The following TXNDC16 variants were observed in gnomAD, a reference collection of about 807,000 sequenced individuals.
The protein encoded by TXNDC16 is thioredoxin domain-containing protein 16.
A neutral mutation model predicts 85.6 loss-of-function variants in TXNDC16; 74 were observed. The observed-to-expected ratio is 0.86, with a 90% confidence interval of 0.72 to 1.05. The LOEUF is 1.05. Among genes scored for constraint, TXNDC16 ranks in the 50% least tolerant of loss-of-function variants. The pLI is 0.00. For missense variants in TXNDC16, 959 were observed against 947.0 expected (o/e 1.01, Z -0.17); for synonymous variants, 335 against 326.5 (o/e 1.03, Z -0.28).
At chr14:52,491,120 C>G (rs1371571489) in intron 9 of TXNDC16, 115 bp from the exon 10 acceptor site, 1 of 1,151,008 alleles carries the variant, frequency 8.7e-7, no homozygotes, top group Non-Finnish European at 1.2e-6. Context: ...TAAAATAATC[C>G]AACACTAACA....
In TXNDC16 at chr14:52,432,328, C is replaced by T. The variant is rs1240849202; in HGVS notation, c.2454G>A (p.Glu818=). 1.9e-6 allele frequency: 3 copies of T among 1,612,712 alleles called. No homozygotes were observed. The highest frequency in any genetic ancestry group is 2.5e-6 in the Non-Finnish European group (3 of 1,179,450). Residue 818 remains glutamate, a synonymous_variant, in exon 21 of 21, where the codon GAG becomes GAA. Transcript: ENST00000281741. ...EAEKSFRRDK[E]LGCSKVN is the part of the protein sequence containing the mutation. ...ATTAGTTCACTTTTGAGCATCCTAA[C>T]TCTTTATCACGTCTAAATGATTTTT... is the stretch of plus-strand genomic sequence containing the variant.
intron 9 of TXNDC16, among the ~76,000 whole-genome samples, chr14:52,502,760 C>T (rs1172942776): frequency 6.6e-6 from 1 of 152,116 alleles, no homozygotes; most frequent in African/African-American, 2.4e-5. Flanking sequence ...CGAGCGTGAC[C>T]CGAAGCAGGG....
At chr14:52,432,615 A>G in intron 20 of TXNDC16, 28 bp from the exon 21 acceptor site, 1 of 1,570,856 alleles carries the variant, frequency 6.4e-7, no homozygotes, top group Non-Finnish European at 8.6e-7. Flanking sequence ...TCAAAGGTTA[A>G]AGATTAACAG....
rs1388451736 is a variant in TXNDC16, at chr14:52,511,348, A to C, written c.648T>G (p.Cys216Trp). The C allele has an allele frequency of 1.2e-6, 2 of 1,605,080 alleles. No homozygotes were observed. Among genetic ancestry groups the C allele is most frequent in the African/African-American group, 2.7e-5 (2 of 74,816 alleles). Residue 216 changes from cysteine to tryptophan, a missense_variant, in exon 9 of 21, where the codon TGT (cysteine) becomes TGG (tryptophan). Cys to Trp is a radical substitution (Grantham distance 215). Coordinates refer to ENST00000281741, the MANE Select transcript of TXNDC16 (RefSeq NM_020784.3). ...VEYAHLYFFH[C>W]KLVLDLTQQC... ...GCTGGGTCAAGTCCAAGACTAGTTT[A>C]CAATGAAAAAAGTAGAGATGTGCAT...
At chr14:52,523,311 A>C (rs1193278929) in intron 6 of TXNDC16, among the ~76,000 whole-genome samples, 1 of 152,196 alleles carries the variant, frequency 6.6e-6, no homozygotes, top group Non-Finnish European at 1.5e-5. Flanking sequence ...TTAGTTGGAT[A>C]AGATATTTGG....
At chr14:52,490,355 AAC>A (rs1205342749) in intron 11 of TXNDC16, 34 bp downstream of exon 11, 1 of 1,432,714 alleles carries the variant, frequency 7.0e-7, no homozygotes, top group African/African-American at 1.5e-5. Flanking sequence ...TCTTTAAATA[AAC>A]AGATATTGTA....
chr14:52,467,079 T>C (rs1419594459), intron 16 of TXNDC16, among the ~76,000 whole-genome samples: 1 of 151,530 alleles, frequency 6.6e-6, no homozygotes, highest in Non-Finnish European at 1.5e-5. Flanking sequence ...TAAGTATCAA[T>C]AGGTAAAGTG....
At chr14:52,543,325 T>C (rs1267968970) in intron 3 of TXNDC16, 73 bp downstream of exon 3, 40 of 1,473,382 alleles carry the variant, frequency 2.7e-5, no homozygotes, top group Non-Finnish European at 2.8e-5. Context: ...AACAGAAATT[T>C]CCCACTGAAC....
intron 9 of TXNDC16, among the ~76,000 whole-genome samples, chr14:52,499,184 A>C (rs761375352): frequency 2.0e-5 from 3 of 152,204 alleles, no homozygotes; most frequent in Non-Finnish European, 4.4e-5. Flanking sequence ...TAATGGATTA[A>C]ATACCTAAAC....
chr14:52,532,498 G>A (rs541980561), intron 6 of TXNDC16, among the ~76,000 whole-genome samples: 66 of 151,880 alleles, frequency 4.3e-4, no homozygotes, highest in Non-Finnish European at 8.2e-4. Context: ...GTGCAGTGGC[G>A]CGATCTCAGC....
At chr14:52,518,310 A>G (rs2037132150) in intron 7 of TXNDC16, among the ~76,000 whole-genome samples, 1 of 152,190 alleles carries the variant, frequency 6.6e-6, no homozygotes, top group Non-Finnish European at 1.5e-5. Flanking sequence ...CCCAACTACC[A>G]TACTCATATC....
In TXNDC16 at chr14:52,455,406, C is replaced by T. The variant is rs1320153808; in HGVS notation, c.1760G>A (p.Gly587Asp). ...PALLLARHTE[G>D]KIESIPLAST... is the part of the protein sequence containing the mutation. ...AGCTAGTGGGATGCTCTCTATTTTG[C>T]CTTCTGTGTGTCTGGCAAGCAGCAG... Residue 587 changes from glycine to aspartate, a missense_variant, in exon 18 of 21, where the codon GGC becomes GAC. By Grantham distance (94) the Gly-to-Asp change is moderately conservative (BLOSUM62 -1). Coordinates refer to ENST00000281741, the MANE Select transcript of TXNDC16 (RefSeq NM_020784.3). 1 of 1,613,968 alleles carries T rather than the reference C, an allele frequency of 6.2e-7. No homozygotes were observed. Among genetic ancestry groups the T allele is most frequent in the Non-Finnish European group, 8.5e-7 (1 of 1,179,938 alleles).
chr14:52,519,809 T>C (rs1384208747), intron 6 of TXNDC16, among the ~76,000 whole-genome samples: 1 of 152,260 alleles, frequency 6.6e-6, no homozygotes, highest in Non-Finnish European at 1.5e-5. Context: ...TTCATAAGTA[T>C]GATCTCAGAT....
At chr14:52,441,833 C>T (rs1243875757) in intron 18 of TXNDC16, among the ~76,000 whole-genome samples, 1 of 152,102 alleles carries the variant, frequency 6.6e-6, no homozygotes, top group African/African-American at 2.4e-5. Context: ...CACTCACCTC[C>T]AACTCAAGGA....
At chr14:52,505,773 T>C (rs1295645983) in intron 9 of TXNDC16, among the ~76,000 whole-genome samples, 3 of 151,970 alleles carry the variant, frequency 2.0e-5, no homozygotes, top group East Asian at 3.9e-4. Context: ...AAAAAATCAA[T>C]GAATCCAGGA....
intron 6 of TXNDC16, among the ~76,000 whole-genome samples, chr14:52,532,224 A>C (rs1254431372): frequency 2.0e-5 from 3 of 152,046 alleles, no homozygotes; most frequent in African/African-American, 7.2e-5. Context: ...GTTTAAGCTG[A>C]GTGTGGTGGT....
In TXNDC16 at chr14:52,455,184, G is replaced by C. The variant is rs1301180470; in HGVS notation, c.1842+140C>G. 4.3e-6 allele frequency: 4 copies of C among 931,820 alleles called. No individual in the cohort carries two copies. The South Asian group carries it at 5.5e-5, about 13-fold the overall frequency. The allele number at this position is 931,820 out of a possible 1,614,324, so 57.7% of individuals were successfully genotyped here. A position where few individuals can be genotyped will look rare whatever the true frequency, so the allele number is the denominator to read the frequency against. ...TGCATAATGACTGAACAATAAAACA[G>C]AACAATCCAGTAAATCCTCAGCTCA... On this transcript the variant is annotated intron_variant, in intron 18 of 20. Coordinates refer to ENST00000281741, the MANE Select transcript of TXNDC16 (RefSeq NM_020784.3).
intron 16 of TXNDC16, among the ~76,000 whole-genome samples, chr14:52,466,438 A>T (rs1217301810): frequency 2.0e-5 from 3 of 151,352 alleles, no homozygotes; most frequent in Non-Finnish European, 4.4e-5. Flanking sequence ...AGAAATTAAA[A>T]GCATCTTCCA....
At chr14:52,530,362 ATAT>A (rs1347610565) in intron 6 of TXNDC16, among the ~76,000 whole-genome samples, 6 of 39,374 alleles carry the variant, frequency 1.5e-4, no homozygotes, top group Admixed American at 5.0e-4. Context: ...AATATAATAT[ATAT>A]TATTATATAA....
Sources: allele counts gnomAD v4.1 joint callset (sites outside exome capture counted in the v4.1 genomes callset), GRCh38; gene constraint gnomAD v4.1.1; transcripts MANE v1.5; gene names NCBI Gene and HGNC (gene_info 2026-07-23, HGNC 2026-07-21).